The following GNG7 variants were observed in gnomAD, a reference collection of about 807,000 sequenced individuals.
The protein encoded by GNG7 is G protein subunit gamma 7.
A neutral mutation model predicts 4.0 loss-of-function variants in GNG7; 1 was observed. That is an observed-to-expected ratio of 0.25 (90% CI 0.09 to 1.18). GNG7 has a LOEUF of 1.18. Among genes scored for constraint, GNG7 ranks in the 50% most tolerant of loss-of-function variants. The pLI is 0.50. For synonymous variants in GNG7, 34 were observed against 36.9 expected, an observed-to-expected ratio of 0.92 and a Z score of 0.29; for missense variants, 86 against 91.9, an observed-to-expected ratio of 0.94 and a Z score of 0.26.
intron 3 of GNG7, among the ~76,000 whole-genome samples, chr19:2,529,624 C>T (rs1978522385): frequency 1.3e-5 from 2 of 152,184 alleles, no homozygotes; most frequent in African/African-American, 2.4e-5. Flanking sequence ...GTGATGAGTT[C>T]CAGAAGTCCA....
intron 1 of GNG7, among the ~76,000 whole-genome samples, chr19:2,686,753 CTT>C (rs1224590104): frequency 3.3e-4 from 46 of 140,360 alleles, no homozygotes; most frequent in Middle Eastern, 3.6e-3. Context: ...TTTTTTCTTT[CTT>C]TTTTTTTTTT....
At chr19:2,569,899 AC>A (rs948636094) in intron 2 of GNG7, among the ~76,000 whole-genome samples, 11 of 152,326 alleles carry the variant, frequency 7.2e-5, no homozygotes, top group African/African-American at 2.6e-4. Flanking sequence ...AACAACTGCG[AC>A]AAAAATAGCC....
intron 2 of GNG7, among the ~76,000 whole-genome samples, chr19:2,571,019 C>T (rs12980725): frequency 0.18 from 27,192 of 151,134 alleles, 2,639 homozygotes; most frequent in African/African-American, 0.26. Flanking sequence ...CCAGGTGGGT[C>T]TCAAACTCTT....
At chr19:2,584,654 GGGAAGGAAGGAAAGAA>G (rs1251485147) in intron 2 of GNG7, among the ~76,000 whole-genome samples, 1 of 88,104 alleles carries the variant, frequency 1.1e-5, no homozygotes, top group Non-Finnish European at 2.2e-5. Context: ...GAGGGAGGGA[GGGAAGGAAGGAAAGAA>G]GGAAGGAAGG....
chr19:2,554,507 A>G (rs936805409), intron 3 of GNG7, among the ~76,000 whole-genome samples: 3 of 148,500 alleles, frequency 2.0e-5, no homozygotes, highest in Non-Finnish European at 4.4e-5. Context: ...CTGTGTATAC[A>G]TATATATAGG....
In GNG7 at chr19:2,511,980, C is replaced by T. The variant is rs1428549537; in HGVS notation, c.*3042G>A. 14 of 985,802 alleles carry T rather than the reference C, an allele frequency of 1.4e-5. No individual in the cohort carries two copies. Among genetic ancestry groups the T allele is most frequent in the Non-Finnish European group, 1.7e-5 (14 of 829,972 alleles). 61.1% of individuals were successfully genotyped at this position (985,802 alleles called of 1,614,324 possible). On this transcript the variant is annotated 3_prime_UTR_variant, in exon 5 of 5. Coordinates refer to ENST00000382159, the MANE Select transcript of GNG7 (RefSeq NM_052847.3). The surrounding 1 kb of genome is among the most constrained non-coding windows in gnomAD (Gnocchi z 6.3). Reference sequence around the variant, plus strand: ...GGGCCTGGCCCGCTGTGGCCCTTCACCTGGCTACTGGTGTCTCGCTCAGCA... The same window carrying T: ...GGGCCTGGCCCGCTGTGGCCCTTCATCTGGCTACTGGTGTCTCGCTCAGCA...
intron 3 of GNG7, among the ~76,000 whole-genome samples, chr19:2,524,017 C>T (rs1978325112): frequency 6.6e-6 from 1 of 152,184 alleles, no homozygotes; most frequent in South Asian, 2.1e-4. Flanking sequence ...CAGGGAAAAC[C>T]GCCCTTGGTT....
At chr19:2,619,344 C>T (rs960620343) in intron 2 of GNG7, among the ~76,000 whole-genome samples, 4 of 152,186 alleles carry the variant, frequency 2.6e-5, no homozygotes, top group South Asian at 2.1e-4. Context: ...GTGGCTTTCC[C>T]GCTACAATGG....
At chr19:2,621,985 G>A (rs187127333) in intron 2 of GNG7, among the ~76,000 whole-genome samples, 5 of 152,208 alleles carry the variant, frequency 3.3e-5, no homozygotes, top group Admixed American at 2.0e-4. Context: ...CAAGAGGCTC[G>A]TCTGCCCCTT....
At chr19:2,566,120 T>C (rs1310878794) in intron 2 of GNG7, among the ~76,000 whole-genome samples, 2 of 152,030 alleles carry the variant, frequency 1.3e-5, no homozygotes, top group African/African-American at 2.4e-5. Flanking sequence ...ATCGCACCAC[T>C]GCACTCCAGC....
In GNG7 at chr19:2,633,947, CA is replaced by C. The variant is rs1220188182; in HGVS notation, c.-78+12276del. 6.6e-6 allele frequency among the ~76,000 whole-genome samples: 1 copy of C among 152,044 alleles called. No homozygotes were observed. Among genetic ancestry groups the C allele is most frequent in the African/African-American group, 2.4e-5 (1 of 41,414 alleles). On this transcript the variant is annotated intron_variant, in intron 2 of 4. Transcript: ENST00000382159. This position sits in a 1 kb window ranked among gnomAD's most constrained non-coding sequence, Gnocchi z 5.9. ...GGCAGCCACAAATGTCTCCTGGGTG[CA>C]AAATTGCCCCGAGTTGAGACCCCCT...
rs1972684524 is a variant in GNG7 at position 2,513,476 on chromosome 19, C to T, written c.*1546G>A. On this transcript the variant is annotated 3_prime_UTR_variant, in exon 5 of 5. Transcript: ENST00000382159. ...AAGATGTGGCTGCACCTGCTCCCGT[C>T]CGTGCCGCAGAGGAGGACGCAGTCA... is the stretch of plus-strand genomic sequence containing the variant. 1 of 980,894 alleles carries T rather than the reference C, an allele frequency of 1.0e-6. No individual in the cohort carries two copies. The highest frequency in any genetic ancestry group is 1.2e-6 in the Non-Finnish European group (1 of 825,762). 60.8% of individuals were successfully genotyped at this position (980,894 alleles called of 1,614,324 possible).
chr19:2,618,368 T>C lies in GNG7; in HGVS notation c.-78+27856A>G, dbSNP rs1301364493. Among the ~76,000 whole-genome samples, 3 of 151,154 alleles carry C rather than the reference T, an allele frequency of 2.0e-5. No homozygotes were observed. The highest frequency in any genetic ancestry group is 7.3e-5 in the African/African-American group (3 of 40,936). On this transcript the variant is annotated intron_variant, in intron 2 of 4. Coordinates refer to ENST00000382159, the MANE Select transcript of GNG7 (RefSeq NM_052847.3). The surrounding 1 kb of genome is among the most constrained non-coding windows in gnomAD (Gnocchi z 5.1). ...GTGTGTGTGTGTGTGTGTGTGTGTG[T>C]GTGTGTATCTCACTCTGTTGCCCAG...
intron 3 of GNG7, among the ~76,000 whole-genome samples, chr19:2,547,074 G>GC (rs796758760): frequency 0.035 from 5,040 of 142,692 alleles, 283 homozygotes; most frequent in African/African-American, 0.12. Context: ...CTCCACGCAT[G>GC]CCCCCCCCCC....
chr19:2,598,047 A>T (rs1981079217), intron 2 of GNG7, among the ~76,000 whole-genome samples: 1 of 152,162 alleles, frequency 6.6e-6, no homozygotes, highest in African/African-American at 2.4e-5. Flanking sequence ...GACGACAATG[A>T]CCAGGACAAC....
chr19:2,665,100 G>A (rs193007220), intron 1 of GNG7, among the ~76,000 whole-genome samples: 2 of 151,186 alleles, frequency 1.3e-5, no homozygotes, highest in Admixed American at 1.3e-4. Flanking sequence ...ACGAGCTGGG[G>A]TCCCCTGGTT....
chr19:2,578,988 T>TCGCTTGTCTGC lies in GNG7; in HGVS notation c.-77-23811_-77-23801dup, dbSNP rs199750744. ...GCCCGGCGCCAGACCTGCTTGTCTGTCGCTTGTCTGCGAGAGGCCAGGAAA... is the reference window on the plus strand; with the variant it reads ...GCCCGGCGCCAGACCTGCTTGTCTGTCGCTTGTCTGCCGCTTGTCTGCGAGAGGCCAGGAAA... On this transcript the variant is annotated intron_variant, in intron 2 of 4. Transcript: ENST00000382159. Among the ~76,000 whole-genome samples the TCGCTTGTCTGC allele has an allele frequency of 8.1e-3, 1,234 of 152,214 alleles. 13 individuals carry two copies. The highest frequency in any genetic ancestry group is 0.021 in the African/African-American group (863 of 41,542).
At chr19:2,602,059 G>A (rs1442878293) in intron 2 of GNG7, among the ~76,000 whole-genome samples, 4 of 151,982 alleles carry the variant, frequency 2.6e-5, no homozygotes, top group African/African-American at 7.3e-5. Context: ...ACTAGAAGCC[G>A]GGCACAGTGG....
intron 2 of GNG7, among the ~76,000 whole-genome samples, chr19:2,638,440 GA>G (rs1208608782): frequency 3.7e-5 from 2 of 53,618 alleles, no homozygotes; most frequent in East Asian, 6.4e-4. Context: ...AGGGGAAGGG[GA>G]GGGGGAGGGG....
Sources: gnomAD v4.1 joint callset for allele counts (sites outside exome capture counted in the v4.1 genomes callset) on GRCh38, gnomAD v4.1.1 for gene constraint, Gnocchi (gnomAD v3.1) non-coding constraint, MANE v1.5 for transcripts, NCBI Gene and HGNC (gene_info 2026-07-23, HGNC 2026-07-21) for gene names.